Variants in DLC1 observed in about 807,000 individuals in gnomAD.
DLC1 encodes the protein DLC1 Rho GTPase activating protein.
Under a neutral mutation model 140.3 loss-of-function variants are expected in DLC1, and 54 were observed. That is an observed-to-expected ratio of 0.38 (90% confidence interval 0.31 to 0.48). The LOEUF is 0.48. Among genes scored for constraint, DLC1 ranks in the 20% least tolerant of loss-of-function variants. The pLI, the probability that DLC1 is intolerant of heterozygous loss-of-function variation, is 0.96. For missense variants in DLC1, 2,536 were observed against 1,907.0 expected, an observed-to-expected ratio of 1.33 and a Z score of -6.14; for synonymous variants, 986 against 728.1, an observed-to-expected ratio of 1.35 and a Z score of -5.70.
chr8:13,544,984 C>A (rs1803606797), intron 1 of DLC1, among the ~76,000 whole-genome samples: 1 of 152,254 alleles, frequency 6.6e-6, no homozygotes, highest in Non-Finnish European at 1.5e-5. Context: ...AGCACCCCCC[C>A]TGGAACTGTG....
rs376099639 is a variant in DLC1 at position 13,246,071 on chromosome 8, C to G, written c.1348+59198G>C. On this transcript the variant is annotated intron_variant, in intron 5 of 17. Coordinates refer to ENST00000276297, the MANE Select transcript of DLC1 (RefSeq NM_182643.3). ...CTGAAGAAAAGTATAAAACATGAAC[C>G]AGGGTGGTGGTCCTGAGACAACATA... Among the ~76,000 whole-genome samples the G allele has an allele frequency of 9.2e-5, 14 of 152,058 alleles. 1 individual carries two copies. The highest frequency in any genetic ancestry group is 7.7e-4 in the East Asian group (4 of 5,164).
chr8:13,415,791 T>G (rs1325254535), intron 2 of DLC1, among the ~76,000 whole-genome samples: 3 of 152,174 alleles, frequency 2.0e-5, no homozygotes, highest in Non-Finnish European at 2.9e-5. Flanking sequence ...GTTCATGATT[T>G]TTTTTCTCTA....
intron 2 of DLC1, among the ~76,000 whole-genome samples, chr8:13,416,795 A>AT (rs980011892): frequency 6.6e-6 from 1 of 152,086 alleles, no homozygotes; most frequent in Non-Finnish European, 1.5e-5. Flanking sequence ...CTGGTTTGAC[A>AT]TTTTTTGGCT....
chr8:13,435,870 T>C (rs1405936367), intron 2 of DLC1, among the ~76,000 whole-genome samples: 1 of 152,206 alleles, frequency 6.6e-6, no homozygotes, highest in Non-Finnish European at 1.5e-5. Context: ...GCAAACTTTA[T>C]TGTTGACTTA....
chr8:13,446,095 G>A (rs929234791), intron 2 of DLC1, among the ~76,000 whole-genome samples: 1 of 152,088 alleles, frequency 6.6e-6, no homozygotes, highest in Non-Finnish European at 1.5e-5. Flanking sequence ...TATCAATTAC[G>A]TTTCAGAAAA....
intron 1 of DLC1, among the ~76,000 whole-genome samples, chr8:13,514,056 C>A (rs28432202): frequency 6.6e-6 from 1 of 151,156 alleles, no homozygotes; most frequent in South Asian, 2.1e-4. Context: ...TTAAATGAAC[C>A]TTTTAAGCTG....
chr8:13,113,619 G>C (rs1278628241), intron 6 of DLC1, among the ~76,000 whole-genome samples: 1 of 152,198 alleles, frequency 6.6e-6, no homozygotes, highest in African/African-American at 2.4e-5. Flanking sequence ...CAAAAGGACA[G>C]CCACTTTGGT....
At chr8:13,391,751 T>C (rs1836771977) in intron 4 of DLC1, among the ~76,000 whole-genome samples, 1 of 152,140 alleles carries the variant, frequency 6.6e-6, no homozygotes, top group South Asian at 2.1e-4. Context: ...GTCACTGAAA[T>C]GTGTATGTTC....
chr8:13,500,510 C>G (rs535901548), intron 1 of DLC1, among the ~76,000 whole-genome samples: 2 of 152,252 alleles, frequency 1.3e-5, no homozygotes, highest in African/African-American at 4.8e-5. Flanking sequence ...AAATGCAATA[C>G]TTAATAAAAA....
At chr8:13,309,757 A>C (rs1832595057) in intron 4 of DLC1, among the ~76,000 whole-genome samples, 1 of 152,164 alleles carries the variant, frequency 6.6e-6, no homozygotes, top group Admixed American at 6.5e-5. Context: ...ACTCACACCA[A>C]CCGCACAGAA....
intron 5 of DLC1, among the ~76,000 whole-genome samples, chr8:13,291,586 T>C (rs1228756074): frequency 6.6e-6 from 1 of 152,190 alleles, no homozygotes; most frequent in East Asian, 1.9e-4. Flanking sequence ...ATGCATTATG[T>C]CCATGTCACT....
At position 13,414,757 on chromosome 8, in the gene DLC1, A is replaced by G. The variant is rs1243216891; in HGVS notation, c.1024-13138T>C. 3.3e-5 allele frequency among the ~76,000 whole-genome samples: 5 copies of G among 152,302 alleles called. No individual in the cohort carries two copies. In the East Asian group the frequency reaches 9.6e-4, roughly 29 times the overall value. On this transcript the variant is annotated intron_variant, in intron 2 of 17. Transcript: ENST00000276297. The stretch of plus-strand genomic sequence containing the variant: ...TGAATTAGCTTATACAATACATGCA[A>G]TAAACTAAGAAAAATATCCTTATTT...
At chr8:13,143,043 CAA>C (rs552138951) in intron 5 of DLC1, among the ~76,000 whole-genome samples, 7 of 121,396 alleles carry the variant, frequency 5.8e-5, no homozygotes, top group Non-Finnish European at 5.2e-5. Flanking sequence ...AACTCCGTCT[CAA>C]AAAAAAAAAA....
chr8:13,395,834 T>C (rs963767134), intron 3 of DLC1, among the ~76,000 whole-genome samples: 7 of 151,168 alleles, frequency 4.6e-5, no homozygotes, highest in African/African-American at 1.7e-4. Flanking sequence ...ATCAGGGCCA[T>C]GTCTTCTTCT....
intron 5 of DLC1, among the ~76,000 whole-genome samples, chr8:13,177,450 C>G (rs1203621625): frequency 6.6e-6 from 1 of 152,194 alleles, no homozygotes; most frequent in Non-Finnish European, 1.5e-5. Context: ...AAATATAGCA[C>G]TTCTCAGCAA....
chr8:13,220,253 C>A (rs1252598662), intron 5 of DLC1, among the ~76,000 whole-genome samples: 1 of 152,030 alleles, frequency 6.6e-6, no homozygotes, highest in Non-Finnish European at 1.5e-5. Flanking sequence ...AATTGTGAAG[C>A]CTTTTTTGAA....
At chr8:13,150,964 G>A (rs1823764734) in intron 5 of DLC1, among the ~76,000 whole-genome samples, 1 of 152,212 alleles carries the variant, frequency 6.6e-6, no homozygotes, top group Non-Finnish European at 1.5e-5. Context: ...ACAGGTTGTA[G>A]TCAAGGCCCT....
chr8:13,577,287 C>G (rs1433513784), intron 1 of DLC1, among the ~76,000 whole-genome samples: 2 of 152,144 alleles, frequency 1.3e-5, no homozygotes, highest in Non-Finnish European at 2.9e-5. Flanking sequence ...AGAGCTGCAA[C>G]TTACCAAGCC....
chr8:13,479,033 G>C (rs1800564587), intron 2 of DLC1, among the ~76,000 whole-genome samples: 1 of 152,150 alleles, frequency 6.6e-6, no homozygotes, highest in African/African-American at 2.4e-5. Context: ...CCAGCTTCTA[G>C]GATTCCACTC....
Sources: allele counts gnomAD v4.1 joint callset (sites outside exome capture counted in the v4.1 genomes callset), GRCh38; gene constraint gnomAD v4.1.1; transcripts MANE v1.5; gene names NCBI Gene and HGNC (gene_info 2026-07-23, HGNC 2026-07-21).